Variants in RIMS1 observed in about 807,000 individuals in gnomAD.
RIMS1 encodes regulating synaptic membrane exocytosis 1, also known as regulating synaptic membrane exocytosis protein 1.
In RIMS1, 83 loss-of-function variants were observed where a neutral mutation model predicts 214.1. That is an observed-to-expected ratio of 0.39 (90% confidence interval 0.32 to 0.47). RIMS1 has a LOEUF of 0.47. Ranked by LOEUF, RIMS1 falls within the 20% of genes least tolerant of loss-of-function variation. The probability of loss-of-function intolerance (pLI) is 0.99; values close to 1 mark genes in which losing one functional copy is unlikely to be tolerated. For missense variants in RIMS1, 2,050 were observed against 2,161.8 expected (o/e 0.95, Z 1.03); for synonymous variants, 793 against 786.8 (o/e 1.01, Z -0.13).
chr6:72,043,680 T>C (rs1822115953), intron 2 of RIMS1, among the ~76,000 whole-genome samples: 1 of 150,108 alleles, frequency 6.7e-6, no homozygotes, highest in South Asian at 2.1e-4. Context: ...TACTATTAAC[T>C]AGACTTTTTT....
chr6:72,207,818 C>A (rs755612327), intron 6 of RIMS1, among the ~76,000 whole-genome samples: 11 of 152,180 alleles, frequency 7.2e-5, no homozygotes, highest in Non-Finnish European at 1.2e-4. Flanking sequence ...TGAGAAAAAC[C>A]TATAAATGAT....
chr6:71,988,453 A>C (rs1800661639), intron 2 of RIMS1, among the ~76,000 whole-genome samples: 1 of 152,162 alleles, frequency 6.6e-6, no homozygotes, highest in Non-Finnish European at 1.5e-5. Flanking sequence ...AAAAAAAAAA[A>C]CTTGTGTGTT....
chr6:72,212,668 C>A, intron 6 of RIMS1: 2 of 306,550 alleles, frequency 6.5e-6, no homozygotes, highest in Non-Finnish European at 9.5e-6. Context: ...CACAGCACGA[C>A]AAAGGACACT....
intron 4 of RIMS1, among the ~76,000 whole-genome samples, chr6:72,141,454 G>A (rs983306996): frequency 2.0e-5 from 3 of 151,898 alleles, no homozygotes; most frequent in Non-Finnish European, 4.4e-5. Flanking sequence ...CCATTATTGT[G>A]ACACTTGGTA....
At chr6:72,035,351 A>T (rs1338937487) in intron 2 of RIMS1, among the ~76,000 whole-genome samples, 3 of 152,190 alleles carry the variant, frequency 2.0e-5, no homozygotes, top group Admixed American at 2.0e-4. Flanking sequence ...AGAATGTGAT[A>T]AAAAGCTATA....
chr6:72,227,488 G>C (rs2060555076), intron 6 of RIMS1, among the ~76,000 whole-genome samples: 1 of 151,846 alleles, frequency 6.6e-6, no homozygotes, highest in Non-Finnish European at 1.5e-5. Flanking sequence ...TTTTGATTCT[G>C]AGTTCCATAT....
intron 6 of RIMS1, among the ~76,000 whole-genome samples, chr6:72,212,209 A>G (rs536797865): frequency 1.1e-3 from 169 of 152,100 alleles, no homozygotes; most frequent in African/African-American, 4.0e-3. Context: ...ATAAAAATAT[A>G]TAATTTTTTT....
intron 29 of RIMS1, among the ~76,000 whole-genome samples, chr6:72,383,499 C>G (rs886926909): frequency 3.3e-5 from 5 of 150,520 alleles, no homozygotes; most frequent in African/African-American, 9.8e-5. Flanking sequence ...TTTGGCCAGG[C>G]ACAGTGGCTC....
At chr6:71,888,415 G>A (rs879818513) in intron 1 of RIMS1, among the ~76,000 whole-genome samples, 5 of 152,192 alleles carry the variant, frequency 3.3e-5, no homozygotes, top group Admixed American at 6.5e-5. Flanking sequence ...GGAGTTACCT[G>A]ATAGCAAAAG....
intron 1 of RIMS1, among the ~76,000 whole-genome samples, chr6:71,954,871 CCACACACA>C (rs113212281): frequency 1.0e-4 from 15 of 147,412 alleles, no homozygotes; most frequent in Admixed American, 7.4e-4. Flanking sequence ...CACACACACT[CCACACACA>C]CACACACACA....
chr6:72,351,107 T>C (rs1332585916), intron 29 of RIMS1, among the ~76,000 whole-genome samples: 1 of 152,144 alleles, frequency 6.6e-6, no homozygotes, highest in East Asian at 1.9e-4. Flanking sequence ...TGAAATGTAA[T>C]TTTTTAGAGA....
rs547224528 is a variant in RIMS1 at position 72,172,257 on chromosome 6, AT to A, written c.472-7317del. ...CAATAAATGGTAAATGATCAAAAAA[AT>A]ATTTTTAATCATGTTATGAATATGT... On this transcript the variant is annotated intron_variant, in intron 4 of 33. Coordinates refer to ENST00000521978, the MANE Select transcript of RIMS1 (RefSeq NM_014989.7). Among the ~76,000 whole-genome samples the A allele has an allele frequency of 1.1e-4, 16 of 151,736 alleles. No homozygotes were observed. The East Asian group carries it at 1.9e-3, about 18-fold the overall frequency.
chr6:71,931,739 T>G (rs1006047147), intron 1 of RIMS1, among the ~76,000 whole-genome samples: 2 of 152,126 alleles, frequency 1.3e-5, no homozygotes, highest in Admixed American at 1.3e-4. Flanking sequence ...GTGAAGAAGC[T>G]CTTTAGTTTT....
chr6:72,128,779 C>T (rs963552288), intron 4 of RIMS1, among the ~76,000 whole-genome samples: 7 of 152,198 alleles, frequency 4.6e-5, no homozygotes, highest in African/African-American at 1.7e-4. Context: ...ACTATCATTA[C>T]TTTTACTCCT....
At chr6:72,111,577 A>G (rs1026387578) in intron 4 of RIMS1, among the ~76,000 whole-genome samples, 4 of 152,128 alleles carry the variant, frequency 2.6e-5, no homozygotes, top group Non-Finnish European at 2.9e-5. Context: ...CACTTTTTCA[A>G]GTTTTCATCC....
chr6:72,383,726 G>C (rs2098536735), intron 29 of RIMS1, among the ~76,000 whole-genome samples: 1 of 151,696 alleles, frequency 6.6e-6, no homozygotes, highest in African/African-American at 2.4e-5. Flanking sequence ...GGAGTTTAAG[G>C]TAACAGTAAG....
chr6:71,990,083 C>G (rs1030976137), intron 2 of RIMS1, among the ~76,000 whole-genome samples: 2 of 152,072 alleles, frequency 1.3e-5, no homozygotes, highest in Admixed American at 6.6e-5. Flanking sequence ...TACCATTGCC[C>G]CTATTCATTT....
chr6:72,041,188 T>C (rs1821344117), intron 2 of RIMS1, among the ~76,000 whole-genome samples: 2 of 151,966 alleles, frequency 1.3e-5, no homozygotes, highest in Non-Finnish European at 2.9e-5. Context: ...AAGTTCTTTC[T>C]GTCTATCTGT....
chr6:72,306,730 A>G (rs993562605), intron 26 of RIMS1, among the ~76,000 whole-genome samples: 1 of 152,180 alleles, frequency 6.6e-6, no homozygotes, highest in Non-Finnish European at 1.5e-5. Flanking sequence ...AGTCATGAGA[A>G]GCCACGGACA....
Sources: allele counts gnomAD v4.1 joint callset (sites outside exome capture counted in the v4.1 genomes callset), GRCh38; gene constraint gnomAD v4.1.1; transcripts MANE v1.5; gene names NCBI Gene and HGNC (gene_info 2026-07-23, HGNC 2026-07-21).